FAM117B: variants seen among roughly 807,000 people sequenced by gnomAD.
The protein encoded by FAM117B is family with sequence similarity 117 member B, also known as protein FAM117B.
In FAM117B, 22 loss-of-function variants were observed where a neutral mutation model predicts 52.8. The observed-to-expected ratio is 0.42, with a 90% CI of 0.30 to 0.59. The LOEUF (loss-of-function observed/expected upper bound fraction) is 0.59, where lower values mean the gene tolerates loss of function less well. Among genes scored for constraint, FAM117B ranks in the 20% least tolerant of loss-of-function variants. FAM117B has a pLI of 0.22. For missense variants in FAM117B, 678 were observed against 802.6 expected (o/e 0.84, Z 1.88); for synonymous variants, 309 against 324.1 (o/e 0.95, Z 0.50).
At chr2:202,649,136 T>C (rs1045146988) in intron 1 of FAM117B, among the ~76,000 whole-genome samples, 15 of 152,226 alleles carry the variant, frequency 9.9e-5, no homozygotes, top group African/African-American at 3.4e-4. Flanking sequence ...GGAATTGATA[T>C]CAGTTTGTAC....
rs1692004384 is a variant in FAM117B, at chr2:202,767,658, T to C, written c.*1894T>C. On this transcript the variant is annotated 3_prime_UTR_variant, in exon 8 of 8. Coordinates refer to ENST00000392238, the MANE Select transcript of FAM117B (RefSeq NM_173511.4). ...TATGTCAGCTTACCCAGACATATTC[T>C]ATCAAGGAAAACCTAGTGGTAGCAA... 2.0e-5 allele frequency: 3 copies of C among 152,338 alleles called. No individual in the cohort carries two copies. The highest frequency in any genetic ancestry group is 2.9e-5 in the Non-Finnish European group (2 of 68,028). The allele number at this position is 152,338 out of a possible 1,614,324, so 9.4% of individuals were successfully genotyped here. A position where few individuals can be genotyped will look rare whatever the true frequency, so the allele number is the denominator to read the frequency against.
chr2:202,666,136 A>G (rs1242661323), intron 1 of FAM117B, among the ~76,000 whole-genome samples: 1 of 152,202 alleles, frequency 6.6e-6, no homozygotes, highest in Non-Finnish European at 1.5e-5. Flanking sequence ...TGGGAATGGT[A>G]TTGTTACAAA....
chr2:202,725,690 C>T (rs1014709230), intron 3 of FAM117B, among the ~76,000 whole-genome samples: 7 of 152,272 alleles, frequency 4.6e-5, no homozygotes, highest in Admixed American at 3.9e-4. Context: ...ATGGTTATGG[C>T]TCCATGCTAT....
At chr2:202,754,888 CAAAAAA>C (rs149747057) in intron 4 of FAM117B, among the ~76,000 whole-genome samples, 4 of 85,714 alleles carry the variant, frequency 4.7e-5, no homozygotes, top group African/African-American at 1.4e-4. Context: ...AGATTCGTCT[CAAAAAA>C]AAAAAAAAAA....
At chr2:202,668,542 A>AAAG (rs1559098241) in intron 1 of FAM117B, among the ~76,000 whole-genome samples, 1 of 146,938 alleles carries the variant, frequency 6.8e-6, no homozygotes, top group African/African-American at 2.5e-5. Context: ...AAAAAAAAAA[A>AAAG]AAAAGAAAAA....
Position 202,635,355 on chromosome 2 carries a change from G to GAGC in FAM117B, c.169_171dup (p.Ser57dup). The GAGC allele has an allele frequency of 7.3e-7, 1 of 1,377,210 alleles. No homozygotes were observed. Among genetic ancestry groups the GAGC allele is most frequent in the East Asian group, 3.1e-5 (1 of 32,500 alleles). The allele number at this position is 1,377,210 out of a possible 1,614,324, so 85.3% of individuals were successfully genotyped here. On this transcript the variant is annotated inframe_insertion, in exon 1 of 8. Coordinates refer to ENST00000392238, the MANE Select transcript of FAM117B (RefSeq NM_173511.4). ...AGCAGCAACATGGCAGCCCCACGCGGAGCGGCGGCGGCGGCGGCGGCAACA... is the reference window on the plus strand; with the variant it reads ...AGCAGCAACATGGCAGCCCCACGCGGAGCAGCGGCGGCGGCGGCGGCGGCAACA...
chr2:202,637,000 A>G (rs1689696341), intron 1 of FAM117B, among the ~76,000 whole-genome samples: 2 of 151,922 alleles, frequency 1.3e-5, no homozygotes, highest in South Asian at 4.2e-4. Context: ...CCCGGGTTCA[A>G]ACGATTCTGC....
intron 4 of FAM117B, among the ~76,000 whole-genome samples, chr2:202,738,225 C>T (rs1691471333): frequency 6.6e-6 from 1 of 152,152 alleles, no homozygotes; most frequent in African/African-American, 2.4e-5. Flanking sequence ...CTCTTACTGT[C>T]TTTCACAGAG....
intron 1 of FAM117B, among the ~76,000 whole-genome samples, chr2:202,650,655 C>T (rs1179956642): frequency 6.6e-6 from 1 of 152,208 alleles, no homozygotes; most frequent in African/African-American, 2.4e-5. Flanking sequence ...GCCGACAGTG[C>T]AGCCTTCAGT....
intron 2 of FAM117B, among the ~76,000 whole-genome samples, chr2:202,723,035 T>C (rs950034015): frequency 4.6e-5 from 7 of 152,186 alleles, no homozygotes; most frequent in Non-Finnish European, 1.0e-4. Context: ...ACCTCTGGGA[T>C]GTGTGACATC....
intron 1 of FAM117B, among the ~76,000 whole-genome samples, chr2:202,636,249 C>G (rs1407143375): frequency 6.6e-6 from 1 of 152,208 alleles, no homozygotes; most frequent in Non-Finnish European, 1.5e-5. Flanking sequence ...AGTTTCAGAT[C>G]TGGGGTACTG....
At chr2:202,699,449 G>A (rs7424150) in intron 2 of FAM117B, among the ~76,000 whole-genome samples, 13,272 of 95,272 alleles carry the variant, frequency 0.14, 188 homozygotes, top group African/African-American at 0.16. Context: ...AAAAAAAAAA[G>A]AAAAAAAAAA....
At chr2:202,742,321 A>G (rs1164225015) in intron 4 of FAM117B, among the ~76,000 whole-genome samples, 3 of 152,238 alleles carry the variant, frequency 2.0e-5, no homozygotes, top group Non-Finnish European at 2.9e-5. Flanking sequence ...TTACAAGTAA[A>G]GCAATGTGCT....
At chr2:202,726,210 A>G (rs1226685240) in intron 3 of FAM117B, 40 bp from the exon 4 acceptor site, 5 of 1,410,922 alleles carry the variant, frequency 3.5e-6, no homozygotes, top group Non-Finnish European at 4.0e-6. Flanking sequence ...TGTTTCATGT[A>G]GAAAACACTC....
intron 2 of FAM117B, among the ~76,000 whole-genome samples, chr2:202,706,506 TA>T (rs1690870454): frequency 6.6e-6 from 1 of 152,218 alleles, no homozygotes; most frequent in South Asian, 2.1e-4. Context: ...GTCCTGTGAT[TA>T]AAACAATAAA....
In FAM117B at chr2:202,766,474, A is replaced by C. The variant is rs1034311772; in HGVS notation, c.*710A>C. ...TGTGATTTATGTTTTTGATGTCAAAAGTTTGTGCTTTGGGTGAAATATTTG... is the reference window on the plus strand; with the variant it reads ...TGTGATTTATGTTTTTGATGTCAAACGTTTGTGCTTTGGGTGAAATATTTG... On this transcript the variant is annotated 3_prime_UTR_variant, in exon 8 of 8. Coordinates refer to ENST00000392238, the MANE Select transcript of FAM117B (RefSeq NM_173511.4). The C allele has an allele frequency of 1.3e-5, 2 of 152,688 alleles. No homozygotes were observed. The highest frequency in any genetic ancestry group is 4.8e-5 in the African/African-American group (2 of 41,466). The allele number at this position is 152,688 out of a possible 1,614,324, so 9.5% of individuals were successfully genotyped here. A position where few individuals can be genotyped will look rare whatever the true frequency, so the allele number is the denominator to read the frequency against.
chr2:202,687,600 G>A (rs1490394218), intron 1 of FAM117B, among the ~76,000 whole-genome samples: 1 of 151,978 alleles, frequency 6.6e-6, no homozygotes, highest in African/African-American at 2.4e-5. Context: ...TATAGAGATG[G>A]GGGTCTTACT....
chr2:202,742,752 T>C lies in FAM117B; in HGVS notation c.961-12786T>C, dbSNP rs150847442. On this transcript the variant is annotated intron_variant, in intron 4 of 7. Transcript: ENST00000392238. ...AAAAACAGAAAATATTCACAACATA[T>C]ACCACAGACACAAAGGGCTAATAAC... Among the ~76,000 whole-genome samples, 1,496 of 152,178 alleles carry C rather than the reference T, an allele frequency of 9.8e-3. 9 individuals carry two copies. Among genetic ancestry groups the C allele is most frequent in the Non-Finnish European group, 0.018 (1,205 of 68,000 alleles).
intron 7 of FAM117B, among the ~76,000 whole-genome samples, chr2:202,760,567 T>C (rs371571491): frequency 3.7e-4 from 57 of 152,228 alleles, no homozygotes; most frequent in African/African-American, 1.3e-3. Context: ...CCCAGGATTG[T>C]GGGGAAGCTG....
Sources: allele counts gnomAD v4.1 joint callset (sites outside exome capture counted in the v4.1 genomes callset), GRCh38; gene constraint gnomAD v4.1.1; transcripts MANE v1.5; gene names NCBI Gene and HGNC (gene_info 2026-07-23, HGNC 2026-07-21).